Variants in SYNE2 observed in about 807,000 individuals in gnomAD.
The protein encoded by SYNE2 is nesprin-2.
A neutral mutation model predicts 856.3 loss-of-function variants in SYNE2; 431 were observed. That is an observed-to-expected ratio of 0.50 (90% CI 0.47 to 0.55). The LOEUF is 0.55. SYNE2 is among the 20% of genes least tolerant of loss of function. The pLI, the probability that SYNE2 is intolerant of heterozygous loss-of-function variation, is 0.00. For missense variants in SYNE2, 8,129 were observed against 8,023.2 expected, an observed-to-expected ratio of 1.01 and a Z score of -0.50; for synonymous variants, 2,923 against 2,872.3, an observed-to-expected ratio of 1.02 and a Z score of -0.56.
At chr14:64,036,436 C>A (rs2097091156) in intron 45 of SYNE2, among the ~76,000 whole-genome samples, 1 of 151,998 alleles carries the variant, frequency 6.6e-6, no homozygotes, top group Non-Finnish European at 1.5e-5. Flanking sequence ...CAGGTGTGCA[C>A]CACCACACCG....
intron 85 of SYNE2, among the ~76,000 whole-genome samples, chr14:64,155,984 C>A (rs760189806): frequency 1.3e-5 from 2 of 152,086 alleles, no homozygotes; most frequent in Admixed American, 6.5e-5. Context: ...CTCTAAGCCT[C>A]GATTTTCTGG....
intron 1 of SYNE2, among the ~76,000 whole-genome samples, chr14:63,769,448 A>C (rs1335176983): frequency 6.6e-6 from 1 of 152,098 alleles, no homozygotes; most frequent in Non-Finnish European, 1.5e-5. Flanking sequence ...CAGGCAGATC[A>C]TGAGGTCAGG....
At chr14:64,023,058 A>T in intron 38 of SYNE2, 195 bp downstream of exon 38, 1 of 565,016 alleles carries the variant, frequency 1.8e-6, no homozygotes, top group South Asian at 2.1e-5. Context: ...CTTTGGTAAA[A>T]GGTTCACCAA....
intron 1 of SYNE2, among the ~76,000 whole-genome samples, chr14:63,784,275 G>A (rs1403327227): frequency 6.6e-6 from 1 of 150,824 alleles, no homozygotes; most frequent in Non-Finnish European, 1.5e-5. Context: ...GGTGGATCAC[G>A]AGGTCAGGAG....
chr14:63,845,284 TG>T (rs1333253254), intron 1 of SYNE2, among the ~76,000 whole-genome samples: 1 of 151,926 alleles, frequency 6.6e-6, no homozygotes, highest in African/African-American at 2.4e-5. Context: ...GGCATGGTGG[TG>T]GGCACCTGTA....
chr14:64,189,505 A>T (rs1178903961), intron 98 of SYNE2, among the ~76,000 whole-genome samples: 1 of 152,210 alleles, frequency 6.6e-6, no homozygotes, highest in Non-Finnish European at 1.5e-5. Context: ...ATAGCAGCCT[A>T]ATTAGTTATG....
intron 55 of SYNE2, among the ~76,000 whole-genome samples, chr14:64,080,087 A>G (rs1276260008): frequency 6.6e-6 from 1 of 151,978 alleles, no homozygotes; most frequent in East Asian, 1.9e-4. Context: ...GTGTGTATGA[A>G]CTAGTGTAAA....
chr14:63,858,413 C>A (rs1401019212), intron 1 of SYNE2, among the ~76,000 whole-genome samples: 1 of 150,140 alleles, frequency 6.7e-6, no homozygotes, highest in South Asian at 2.1e-4. Flanking sequence ...TGAGCCACTG[C>A]ACCCAGCCTA....
At chr14:63,924,261 T>C (rs1043445124) in intron 2 of SYNE2, among the ~76,000 whole-genome samples, 8 of 150,768 alleles carry the variant, frequency 5.3e-5, no homozygotes, top group Non-Finnish European at 4.4e-5. Context: ...TCTTGATTAC[T>C]GTAGCTTTTA....
At chr14:64,098,624 T>A in intron 62 of SYNE2, 123 bp from the exon 63 acceptor site, 1 of 930,052 alleles carries the variant, frequency 1.1e-6, no homozygotes, top group Non-Finnish European at 1.7e-6. Context: ...AGGCTTCTTG[T>A]GGGGGTGGGC....
Position 64,162,203 on chromosome 14 carries a change from A to G in SYNE2, c.16226A>G (p.Gln5409Arg), listed in dbSNP as rs2098335040. 1.2e-6 allele frequency: 2 copies of G among 1,614,116 alleles called. No individual in the cohort carries two copies. Among genetic ancestry groups the G allele is most frequent in the Non-Finnish European group, 1.7e-6 (2 of 1,180,034 alleles). Residue 5409 changes from glutamine (Q) to arginine (R), a missense_variant, in exon 88 of 116, where the codon CAA (glutamine) becomes CGA (arginine). Gln to Arg is a conservative substitution (Grantham distance 43). Transcript: ENST00000555002. ...CTGAAGCAGCAGGAAGCAAAGTTTC[A>G]ACAGCTCGCAAACATCAGCATGTCT... ...ARLKQQEAKF[Q>R]QLANISMSGN...
At chr14:64,037,583 T>TC (rs1243012859) in intron 45 of SYNE2, among the ~76,000 whole-genome samples, 5 of 151,372 alleles carry the variant, frequency 3.3e-5, no homozygotes, top group African/African-American at 1.2e-4. Context: ...TCCCCACCTT[T>TC]CCCCCCTTTC....
intron 85 of SYNE2, among the ~76,000 whole-genome samples, chr14:64,153,999 T>C (rs1306687821): frequency 6.6e-6 from 1 of 152,128 alleles, no homozygotes; most frequent in Non-Finnish European, 1.5e-5. Context: ...GTTAGACCTC[T>C]GCATTCATAC....
chr14:64,194,272 A>G (rs559449315), intron 99 of SYNE2, among the ~76,000 whole-genome samples: 3 of 147,246 alleles, frequency 2.0e-5, no homozygotes, highest in East Asian at 2.0e-4. Flanking sequence ...ATCTGTGTCT[A>G]TTAGCCCCTC....
intron 1 of SYNE2, among the ~76,000 whole-genome samples, chr14:63,890,682 G>T (rs188840301): frequency 2.0e-5 from 3 of 152,244 alleles, no homozygotes; most frequent in African/African-American, 7.2e-5. Context: ...ACTTGTTTTT[G>T]TGCTTGTTAA....
intron 27 of SYNE2, among the ~76,000 whole-genome samples, chr14:63,999,433 T>C (rs1222387078): frequency 1.3e-5 from 2 of 152,252 alleles, no homozygotes; most frequent in African/African-American, 2.4e-5. Context: ...TCTGAATGTT[T>C]GTTTCAGTCC....
chr14:63,826,193 G>A (rs1269020160), intron 1 of SYNE2, among the ~76,000 whole-genome samples: 1 of 152,086 alleles, frequency 6.6e-6, no homozygotes, highest in East Asian at 1.9e-4. Context: ...TGGCATAAAG[G>A]CAGATACATA....
intron 85 of SYNE2, among the ~76,000 whole-genome samples, chr14:64,154,324 C>T (rs1042052039): frequency 3.9e-5 from 6 of 152,046 alleles, no homozygotes; most frequent in African/African-American, 1.4e-4. Flanking sequence ...ATACATTGGA[C>T]TTCATCAAAA....
Position 64,210,140 on chromosome 14 carries a change from C to T in SYNE2, c.18723+16C>T. ...GAGACTCAGGGTGAGCTCCTCTGCA[C>T]CTGGCTCGGGTGTAGATTTTCCAGG... On this transcript the variant is annotated intron_variant, in intron 103 of 115. Coordinates refer to ENST00000555002, the MANE Select transcript of SYNE2 (RefSeq NM_182914.3). 2 of 1,612,186 alleles carry T rather than the reference C, an allele frequency of 1.2e-6. No homozygotes were observed. Among genetic ancestry groups the T allele is most frequent in the South Asian group, 1.1e-5 (1 of 90,998 alleles).
Sources: gnomAD v4.1 joint callset for allele counts (sites outside exome capture counted in the v4.1 genomes callset) on GRCh38, gnomAD v4.1.1 for gene constraint, MANE v1.5 for transcripts, NCBI Gene and HGNC (gene_info 2026-07-23, HGNC 2026-07-21) for gene names.